The following IPO9 variants were observed in gnomAD, a reference collection of about 807,000 sequenced individuals.
The protein encoded by IPO9 is importin 9, also known as importin-9.
Under a neutral mutation model 128.6 loss-of-function variants are expected in IPO9, and 28 were observed. The observed-to-expected ratio is 0.22, with a 90% CI of 0.16 to 0.30. The LOEUF (loss-of-function observed/expected upper bound fraction) is 0.30, where lower values mean the gene tolerates loss of function less well. IPO9 is among the 10% of genes least tolerant of loss of function. The pLI, the probability that IPO9 is intolerant of heterozygous loss-of-function variation, is 1.00. For missense variants in IPO9, 935 were observed against 1,293.9 expected (o/e 0.72, Z 4.26); for synonymous variants, 455 against 475.8 (o/e 0.96, Z 0.57).
At chr1:201,867,689 G>GT (rs940851190) in intron 15 of IPO9, among the ~76,000 whole-genome samples, 18 of 148,912 alleles carry the variant, frequency 1.2e-4, no homozygotes, top group African/African-American at 1.5e-4. Context: ...TGCATTTTAA[G>GT]TTTTTTTTTT....
chr1:201,872,688 G>T, intron 19 of IPO9, 140 bp from the exon 20 acceptor site: 1 of 892,254 alleles, frequency 1.1e-6, no homozygotes. Context: ...ATTTTCAGCT[G>T]AACTCTCTTA....
chr1:201,871,376 C>CTTTTTT lies in IPO9; in HGVS notation c.2576+74_2576+79dup, dbSNP rs556986429. On this transcript the variant is annotated intron_variant, in intron 19 of 23. Transcript: ENST00000361565. ...GGGCATTCTGCCACCACTCATATTT[C>CTTTTTT]TTTTTTTTTTTTTTTTTTTTTTTTT... The CTTTTTT allele has an allele frequency of 1.1e-3, 161 of 149,280 alleles. 6 individuals carry two copies. The highest frequency in any genetic ancestry group is 4.1e-3 in the African/African-American group (62 of 14,954). 9.2% of individuals were successfully genotyped at this position (149,280 alleles called of 1,614,324 possible).
In IPO9 at chr1:201,874,342, C is replaced by T. The variant is rs752656248; in HGVS notation, c.2803C>T (p.Arg935Cys). ...LSNVMEANAA[R>C]QATPAEWSQD... ...CAACGTCATGGAGGCTAATGCCGCT[C>T]GCCAGGCCACTCCTGCAGAGTGGAG... The change falls in exon 21 of 24, where the codon CGC (arginine) becomes TGC (cysteine). Residue 935 changes from arginine to cysteine, a missense_variant. Arg to Cys is a radical substitution (Grantham distance 180). Around this residue, in one of 3 missense-constraint regions of IPO9, gnomAD observed 188 missense variants for 246.7 expected, o/e 0.76. Coordinates refer to ENST00000361565, the MANE Select transcript of IPO9 (RefSeq NM_018085.5). 62 of 1,613,952 alleles carry T rather than the reference C, an allele frequency of 3.8e-5. No individual in the cohort carries two copies. Among genetic ancestry groups the T allele is most frequent in the East Asian group, 1.3e-4 (6 of 44,894 alleles).
chr1:201,870,524 G>A lies in IPO9; in HGVS notation c.2134-59G>A. 1 of 1,565,024 alleles carries A rather than the reference G, an allele frequency of 6.4e-7. No individual in the cohort carries two copies. Among genetic ancestry groups the A allele is most frequent in the South Asian group, 1.2e-5 (1 of 83,998 alleles). The stretch of plus-strand genomic sequence containing the variant: ...GGGAACATTTGTTTATACAGACTGA[G>A]GGCCTTCTGGCATCTGTCCCTCGAT... On this transcript the variant is annotated intron_variant, in intron 17 of 23. Transcript: ENST00000361565. The surrounding 1 kb of genome is among the most constrained non-coding windows in gnomAD (Gnocchi z 4.9).
rs1157210689 is a variant in IPO9 at position 201,848,398 on chromosome 1, A to G, written c.318A>G (p.Lys106=). 6.2e-7 allele frequency: 1 copy of G among 1,614,076 alleles called. No individual in the cohort carries two copies. The highest frequency in any genetic ancestry group is 1.7e-5 in the Admixed American group (1 of 60,014). The change falls in exon 4 of 24, where the codon AAA becomes AAG. Residue 106 remains lysine (K), a synonymous_variant. Coordinates refer to ENST00000361565, the MANE Select transcript of IPO9 (RefSeq NM_018085.5). ...FRPPETTERA[K]IVIRELLPNG... is the part of the protein sequence containing the mutation. ...TGGACTTTTATCCCTTACAGGCAAA[A>G]ATTGTTATCCGGGAGCTATTGCCTA...
chr1:201,847,513 C>A (rs941639963), intron 2 of IPO9, 39 bp from the exon 3 acceptor site: 7 of 748,258 alleles, frequency 9.4e-6, no homozygotes, highest in African/African-American at 6.6e-5. Flanking sequence ...TGAAAAAAAT[C>A]TTTTTCTTGC....
At position 201,855,865 on chromosome 1, in the gene IPO9, C is replaced by CTATTTTGA. The variant is rs1338764979; in HGVS notation, c.1053_1054insTATTTTGA (p.Thr352TyrfsTer12). 1 of 1,611,772 alleles carries CTATTTTGA rather than the reference C, an allele frequency of 6.2e-7. No individual in the cohort carries two copies. The highest frequency in any genetic ancestry group is 8.5e-7 in the Non-Finnish European group (1 of 1,179,316). ...TACTAGAAAATAGCAAATTCAAAAG[C>CTATTTTGA]ACTGTTAAGAAAGCCTTGCCTGAAT... On this transcript the variant is annotated frameshift_variant, in exon 10 of 24. Coordinates refer to ENST00000361565, the MANE Select transcript of IPO9 (RefSeq NM_018085.5). LOFTEE classifies it high-confidence loss of function.
At chr1:201,865,848 T>C (rs1680545482) in intron 14 of IPO9, among the ~76,000 whole-genome samples, 2 of 152,078 alleles carry the variant, frequency 1.3e-5, no homozygotes, top group Admixed American at 1.3e-4. Context: ...TCCCAGCACT[T>C]TGTGGGGCCA....
intron 1 of IPO9, among the ~76,000 whole-genome samples, chr1:201,842,656 G>T (rs1038273150): frequency 6.6e-6 from 1 of 152,142 alleles, no homozygotes; most frequent in East Asian, 1.9e-4. Flanking sequence ...ATCACAGTCC[G>T]CCCTTGGGTC....
Position 201,863,541 on chromosome 1 carries a change from C to T in IPO9, c.1562C>T (p.Thr521Ile). 6.2e-7 allele frequency: 1 copy of T among 1,607,234 alleles called. No homozygotes were observed. Among genetic ancestry groups the T allele is most frequent in the South Asian group, 1.1e-5 (1 of 90,776 alleles). ...CTGATCCAGCAGTTCCTACAGGCAA[C>T]AGTTAGTGGTCTTCACGAGACACAG... is the stretch of plus-strand genomic sequence containing the variant. ...PELIQQFLQA[T>I]VSGLHETQPP... The change falls in exon 14 of 24, where the codon ACA becomes ATA. Residue 521 changes from threonine to isoleucine, a missense_variant. Thr to Ile is a moderately conservative substitution (Grantham distance 89, BLOSUM62 -1). Transcript: ENST00000361565.
chr1:201,872,376 G>A (rs1354307795), intron 19 of IPO9, among the ~76,000 whole-genome samples: 5 of 152,060 alleles, frequency 3.3e-5, no homozygotes, highest in Admixed American at 2.0e-4. Context: ...CGGCACTTTG[G>A]AAGACTGAGG....
chr1:201,862,842 G>A lies in IPO9; in HGVS notation c.1469-606G>A, dbSNP rs991671507. 6.3e-4 allele frequency among the ~76,000 whole-genome samples: 95 copies of A among 151,974 alleles called. 1 individual carries two copies. The highest frequency in any genetic ancestry group is 2.1e-3 in the African/African-American group (88 of 41,482). ...AAAAAAAGATTAACTAGTAGTACAG[G>A]TAAGGAATAATGAGAGCTGGGGGTG... is the stretch of plus-strand genomic sequence containing the variant. On this transcript the variant is annotated intron_variant, in intron 13 of 23. Coordinates refer to ENST00000361565, the MANE Select transcript of IPO9 (RefSeq NM_018085.5).
chr1:201,835,314 C>G (rs932434844), intron 1 of IPO9, among the ~76,000 whole-genome samples: 5 of 152,120 alleles, frequency 3.3e-5, no homozygotes, highest in South Asian at 2.1e-4. Flanking sequence ...TTGGGTTTTC[C>G]CTTCTAAACC....
At chr1:201,831,884 T>TG (rs1679839419) in intron 1 of IPO9, among the ~76,000 whole-genome samples, 3 of 143,650 alleles carry the variant, frequency 2.1e-5, no homozygotes, top group Admixed American at 6.9e-5. Flanking sequence ...TGTTTTTTGC[T>TG]TTTGTTGTTG....
At chr1:201,853,824 C>T (rs1448018953) in intron 6 of IPO9, among the ~76,000 whole-genome samples, 3 of 152,058 alleles carry the variant, frequency 2.0e-5, no homozygotes, top group Non-Finnish European at 2.9e-5. Context: ...CTGCAACGTC[C>T]GCCTCCCAGG....
chr1:201,866,786 T>TC lies in IPO9; in HGVS notation c.1686dup (p.Ser563GlnfsTer4). 6.2e-7 allele frequency: 1 copy of TC among 1,614,128 alleles called. No individual in the cohort carries two copies. Among genetic ancestry groups the TC allele is most frequent in the Non-Finnish European group, 8.5e-7 (1 of 1,180,012 alleles). On this transcript the variant is annotated frameshift_variant, in exon 15 of 24. Coordinates refer to ENST00000361565, the MANE Select transcript of IPO9 (RefSeq NM_018085.5). LOFTEE classifies it high-confidence loss of function. ...AGTACCCACGTGCTCCAGCCCTTCCTCCCCAGCATCCTTGATGGCTTAATT... is the reference window on the plus strand; with the variant it reads ...AGTACCCACGTGCTCCAGCCCTTCCTCCCCCAGCATCCTTGATGGCTTAATT...
At chr1:201,848,634 T>C (rs1294135037) in intron 4 of IPO9, 40 bp downstream of exon 4, 1 of 1,595,086 alleles carries the variant, frequency 6.3e-7, no homozygotes, top group Non-Finnish European at 8.6e-7. Context: ...TACTTGGATC[T>C]CAAGCGACAG....
chr1:201,862,529 G>A (rs1211888124), intron 13 of IPO9, among the ~76,000 whole-genome samples: 5 of 151,908 alleles, frequency 3.3e-5, no homozygotes, highest in African/African-American at 9.7e-5. Context: ...TTAAGTGGGC[G>A]GGTACCATGG....
intron 13 of IPO9, 23 bp from the exon 14 acceptor site, chr1:201,863,425 T>A (rs1283704826): frequency 1.3e-6 from 2 of 1,546,596 alleles, no homozygotes; most frequent in South Asian, 1.2e-5. Flanking sequence ...TTCCAGCCCC[T>A]AATTGTTCTG....
Sources: gnomAD v4.1 joint callset for allele counts (sites outside exome capture counted in the v4.1 genomes callset) on GRCh38, gnomAD v4.1.1 for gene constraint, gnomAD v4.1.1 regional missense constraint, Gnocchi (gnomAD v3.1) non-coding constraint, MANE v1.5 for transcripts, NCBI Gene and HGNC (gene_info 2026-07-23, HGNC 2026-07-21) for gene names.